Variants in KIF26A observed in about 807,000 individuals in gnomAD.
KIF26A encodes the protein kinesin-like protein KIF26A.
KIF26A carries 74 observed loss-of-function variants against 126.0 expected under a neutral mutation model. The ratio of observed to expected loss-of-function variants is 0.59; its 90% CI spans 0.49 to 0.71. The LOEUF is 0.71. KIF26A is among the 30% of genes least tolerant of loss of function. KIF26A has a pLI of 0.00. For missense variants in KIF26A, 2,984 were observed against 2,763.3 expected (o/e 1.08, Z -1.79); for synonymous variants, 1,445 against 1,232.7 (o/e 1.17, Z -3.61).
intron 3 of KIF26A, among the ~76,000 whole-genome samples, chr14:104,155,996 C>T (rs1015756641): frequency 6.6e-6 from 1 of 152,212 alleles, no homozygotes; most frequent in Non-Finnish European, 1.5e-5. Context: ...TTGGGCCTGG[C>T]CCAGGATGCC....
chr14:104,163,241 C>T (rs779810847), intron 4 of KIF26A, among the ~76,000 whole-genome samples: 6 of 152,184 alleles, frequency 3.9e-5, no homozygotes, highest in African/African-American at 7.2e-5. Flanking sequence ...CCTCTGGCCT[C>T]GCCCAGGCCC....
At position 104,152,110 on chromosome 14, in the gene KIF26A, C is replaced by T. The variant is rs565358718; in HGVS notation, c.384C>T (p.Cys128=). 5.2e-5 allele frequency: 84 copies of T among 1,612,412 alleles called. 1 individual carries two copies. The highest frequency in any genetic ancestry group is 1.9e-4 in the South Asian group (17 of 91,064). Residue 128 remains cysteine (C), a synonymous_variant, in exon 3 of 15, where the codon TGC becomes TGT. Coordinates refer to ENST00000423312, the MANE Select transcript of KIF26A (RefSeq NM_015656.2). This position sits in a 1 kb window ranked among gnomAD's most constrained non-coding sequence, Gnocchi z 5.9. ...AGGCCGAGCGCCGCTGTGACGTCTG[C>T]GCCACACACCTGCAGCAGCTCACAC... The part of the protein sequence containing the change: ...RPEAERRCDV[C]ATHLQQLTRE...
chr14:104,163,417 T>C (rs960055385), intron 4 of KIF26A, among the ~76,000 whole-genome samples: 10 of 152,162 alleles, frequency 6.6e-5, no homozygotes, highest in African/African-American at 2.4e-4. Flanking sequence ...ATCCTGTCCC[T>C]GATCTGCTGT....
intron 4 of KIF26A, among the ~76,000 whole-genome samples, chr14:104,158,838 C>T (rs1378994051): frequency 6.6e-6 from 1 of 152,206 alleles, no homozygotes; most frequent in East Asian, 1.9e-4. Flanking sequence ...GCAGAGCCTC[C>T]TCTCATCCTG....
chr14:104,168,392 C>G (rs1374743405), intron 5 of KIF26A, among the ~76,000 whole-genome samples: 2 of 152,208 alleles, frequency 1.3e-5, no homozygotes, highest in African/African-American at 4.8e-5. Context: ...GCAGCCCTGG[C>G]CTGAATTGAC....
In KIF26A at chr14:104,180,110, C is replaced by T. The variant is rs754888800; in HGVS notation, c.*320C>T. ...GCAGAAGTTGTGTTCAGCCCGGCCCCGCTGCGCCTGTCCGGGCCGGGGCTG... is the reference window on the plus strand; with the variant it reads ...GCAGAAGTTGTGTTCAGCCCGGCCCTGCTGCGCCTGTCCGGGCCGGGGCTG... On this transcript the variant is annotated 3_prime_UTR_variant, in exon 15 of 15. Coordinates refer to ENST00000423312, the MANE Select transcript of KIF26A (RefSeq NM_015656.2). 4.4e-4 allele frequency: 127 copies of T among 287,164 alleles called. No individual in the cohort carries two copies. Among genetic ancestry groups the T allele is most frequent in the Non-Finnish European group, 5.4e-4 (84 of 154,710 alleles). 17.8% of individuals were successfully genotyped at this position (287,164 alleles called of 1,614,324 possible).
In KIF26A at chr14:104,178,481, G is replaced by A. The variant is rs541646573; in HGVS notation, c.5111-69G>A. 1.6e-4 allele frequency: 190 copies of A among 1,213,930 alleles called. No homozygotes were observed. The South Asian group carries it at 2.1e-3, about 13-fold the overall frequency. The allele number at this position is 1,213,930 out of a possible 1,614,324, so 75.2% of individuals were successfully genotyped here. A position where few individuals can be genotyped will look rare whatever the true frequency, so the allele number is the denominator to read the frequency against. On this transcript the variant is annotated intron_variant, in intron 12 of 14. Coordinates refer to ENST00000423312, the MANE Select transcript of KIF26A (RefSeq NM_015656.2). ...TCAGGACTCGGGCCGGCTCCGCAGC[G>A]TCCCCGCAGGGGCTGTGCTTGGGCT...
chr14:104,173,787 G>A lies in KIF26A; in HGVS notation c.1949G>A (p.Gly650Glu). Reference sequence around the variant, plus strand: ...GCTGGCAGGGCCGGGGAGGCTGCTGGGGGTCCCCTGTGTCTGTCCCTGTCG... The same window carrying A: ...GCTGGCAGGGCCGGGGAGGCTGCTGAGGGTCCCCTGTGTCTGTCCCTGTCG... ...AAAGRAGEAA[G>E]GPLCLSLSAL... Residue 650 changes from glycine to glutamate, a missense_variant, in exon 10 of 15, where the codon GGG becomes GAG. By Grantham distance (98) the Gly-to-Glu change is moderately conservative. Coordinates refer to ENST00000423312, the MANE Select transcript of KIF26A (RefSeq NM_015656.2). The A allele has an allele frequency of 2.5e-6, 4 of 1,607,010 alleles. No homozygotes were observed. The highest frequency in any genetic ancestry group is 1.7e-4 in the Middle Eastern group (1 of 6,036).
rs774072549 is a variant in KIF26A, at chr14:104,179,316, G to A, written c.5397G>A (p.Lys1799=). ...TGCGGGAGGTGCAGGCCAAGCACAA[G>A]CACCTGTGTGAGGAGCTGGCCGAGA... The part of the protein sequence containing the change: ...QRLREVQAKH[K]HLCEELAETQ... The change falls in exon 14 of 15, where the codon AAG becomes AAA. Residue 1799 remains lysine, a synonymous_variant. Transcript: ENST00000423312. 1.3e-6 allele frequency: 2 copies of A among 1,540,008 alleles called. No individual in the cohort carries two copies. The highest frequency in any genetic ancestry group is 1.7e-6 in the Non-Finnish European group (2 of 1,146,192).
At chr14:104,165,203 CTGTGTCTCTGCATGTGTTTCTGTGTGCA>C (rs2037875651) in intron 4 of KIF26A, among the ~76,000 whole-genome samples, 1 of 147,738 alleles carries the variant, frequency 6.8e-6, no homozygotes, top group African/African-American at 2.5e-5. Context: ...ATGTGTGTGT[CTGTGTCTCTGCATGTGTTTCTGTGTGCA>C]TGTGTGTCTC....
chr14:104,165,697 CTCTG>C, intron 4 of KIF26A, among the ~76,000 whole-genome samples: 1 of 148,470 alleles, frequency 6.7e-6, no homozygotes, highest in South Asian at 2.1e-4. Context: ...GACTGTGTGT[CTCTG>C]TCTCTGTGCA....
chr14:104,174,346 C>T (rs572273701), intron 11 of KIF26A, 36 bp downstream of exon 11: 100 of 1,482,108 alleles, frequency 6.7e-5, no homozygotes, highest in African/African-American at 5.2e-4. Context: ...ATCTCGGGGC[C>T]GTCTCGGCTC....
At chr14:104,147,077 T>G (rs2037686699) in intron 2 of KIF26A, among the ~76,000 whole-genome samples, 1 of 152,120 alleles carries the variant, frequency 6.6e-6, no homozygotes, top group Non-Finnish European at 1.5e-5. Context: ...ACCCGGTGAC[T>G]GCAGCCTACA....
chr14:104,173,321 T>C lies in KIF26A; in HGVS notation c.1684-9T>C. ...ACTGAAGACGCCGCTGCCTCTGCCT[T>C]TCCTGCAGCTCCAGAACCAAAGCGA... On this transcript the variant is annotated splice_polypyrimidine_tract_variant and intron_variant, in intron 8 of 14. Transcript: ENST00000423312. The C allele has an allele frequency of 6.2e-7, 1 of 1,605,606 alleles. No homozygotes were observed. Among genetic ancestry groups the C allele is most frequent in the Non-Finnish European group, 8.5e-7 (1 of 1,175,376 alleles).
intron 5 of KIF26A, among the ~76,000 whole-genome samples, chr14:104,171,211 C>G (rs1005219387): frequency 4.6e-5 from 7 of 152,378 alleles, no homozygotes; most frequent in African/African-American, 1.7e-4. Flanking sequence ...CTCAGCTGGC[C>G]AGGGTCGGAG....
rs764355786 is a variant in KIF26A, at chr14:104,178,646, C to T, written c.5207C>T (p.Pro1736Leu). 115 of 1,552,428 alleles carry T rather than the reference C, an allele frequency of 7.4e-5. 1 individual carries two copies. In the Admixed American group the frequency reaches 7.9e-4, roughly 11 times the overall value. ...SLPGQWVDLP[P>L]PLAGSLKEPF... is the part of the protein sequence containing the mutation. ...CCCGGGCAGTGGGTGGACCTGCCCC[C>T]GCCCCTGGCTGGCTCCCTGAAGGAG... is the stretch of plus-strand genomic sequence containing the variant. The change falls in exon 13 of 15, where the codon CCG (proline) becomes CTG (leucine). Residue 1736 changes from proline to leucine, a missense_variant. By Grantham distance (98) the Pro-to-Leu change is moderately conservative. Coordinates refer to ENST00000423312, the MANE Select transcript of KIF26A (RefSeq NM_015656.2).
chr14:104,158,055 G>C (rs2037799482), intron 4 of KIF26A, 113 bp downstream of exon 4: 1 of 1,017,892 alleles, frequency 9.8e-7, no homozygotes, highest in Non-Finnish European at 1.4e-6. Flanking sequence ...GCTTGCTGCT[G>C]AGACGAGTGG....
intron 3 of KIF26A, among the ~76,000 whole-genome samples, chr14:104,156,120 G>A (rs954302278): frequency 7.2e-5 from 11 of 152,346 alleles, no homozygotes; most frequent in African/African-American, 2.6e-4. Flanking sequence ...TGACTGCCAT[G>A]CCCAGGGGTG....
chr14:104,156,875 A>G (rs2037783087), intron 3 of KIF26A, among the ~76,000 whole-genome samples: 2 of 152,130 alleles, frequency 1.3e-5, no homozygotes, highest in Non-Finnish European at 2.9e-5. Flanking sequence ...GGCAGTGGTT[A>G]TCGACTGGAC....
Sources: gnomAD v4.1 joint callset for allele counts (sites outside exome capture counted in the v4.1 genomes callset) on GRCh38, gnomAD v4.1.1 for gene constraint, Gnocchi (gnomAD v3.1) non-coding constraint, MANE v1.5 for transcripts, NCBI Gene and HGNC (gene_info 2026-07-23, HGNC 2026-07-21) for gene names.